LITAF: variants seen among roughly 807,000 people sequenced by gnomAD.
The protein encoded by LITAF is lipopolysaccharide induced TNF factor.
In LITAF, 9 loss-of-function variants were observed where a neutral mutation model predicts 14.5. The observed-to-expected ratio is 0.62, with a 90% CI of 0.37 to 1.08. LITAF has a LOEUF of 1.08. Among genes scored for constraint, LITAF ranks in the 50% least tolerant of loss-of-function variants. The pLI is 0.01. For missense variants in LITAF, 206 were observed against 213.4 expected, an observed-to-expected ratio of 0.97 and a Z score of 0.22; for synonymous variants, 98 against 88.2, an observed-to-expected ratio of 1.11 and a Z score of -0.62.
chr16:11,608,181 C>A (rs1434667930), intron 3 of LITAF, among the ~76,000 whole-genome samples: 1 of 152,198 alleles, frequency 6.6e-6, no homozygotes, highest in African/African-American at 2.4e-5. Context: ...CAGATAAACC[C>A]CACTGGGGTT....
intron 1 of LITAF, among the ~76,000 whole-genome samples, chr16:11,567,001 G>A (rs1309434852): frequency 6.6e-6 from 1 of 152,200 alleles, no homozygotes; most frequent in Non-Finnish European, 1.5e-5. Flanking sequence ...ATATGCTCAA[G>A]AACTGGAATC....
chr16:11,622,283 A>C (rs2065055812), intron 3 of LITAF, among the ~76,000 whole-genome samples: 1 of 152,224 alleles, frequency 6.6e-6, no homozygotes, highest in South Asian at 2.1e-4. Flanking sequence ...ACCCAGAGTA[A>C]ACAGCCTGAA....
At chr16:11,614,228 C>T (rs571447176) in intron 3 of LITAF, among the ~76,000 whole-genome samples, 6 of 152,000 alleles carry the variant, frequency 3.9e-5, no homozygotes, top group Non-Finnish European at 5.9e-5. Context: ...AAGATGTCAG[C>T]GGGCTGGTCC....
intron 1 of LITAF, among the ~76,000 whole-genome samples, chr16:11,568,656 A>G (rs1597344689): frequency 6.7e-6 from 1 of 148,872 alleles, no homozygotes; most frequent in Non-Finnish European, 1.5e-5. Flanking sequence ...TGCTTGTGAC[A>G]CTGAAGGTAC....
intron 1 of LITAF, among the ~76,000 whole-genome samples, chr16:11,560,407 T>A (rs1483709328): frequency 1.3e-5 from 2 of 151,382 alleles, no homozygotes; most frequent in Admixed American, 6.6e-5. Context: ...GGTAAGGAGT[T>A]CGAGACCAGC....
intron 1 of LITAF, among the ~76,000 whole-genome samples, chr16:11,573,831 A>G (rs2064585944): frequency 6.7e-6 from 1 of 149,072 alleles, no homozygotes; most frequent in Non-Finnish European, 1.5e-5. Context: ...CCTCCCAAAT[A>G]GCTGGGATTA....
chr16:11,638,117 T>TATAGATAGATATATATAGATAGATAG (rs138178230), upstream of LITAF, among the ~76,000 whole-genome samples: 50 of 69,510 alleles, frequency 7.2e-4, no homozygotes, highest in African/African-American at 2.7e-3. Flanking sequence ...TATCTATCTA[T>TATAGATAGATATATATAGATAGATAG]ATAGATAGAT....
chr16:11,607,249 T>C (rs1322137311), intron 3 of LITAF, among the ~76,000 whole-genome samples: 2 of 152,208 alleles, frequency 1.3e-5, no homozygotes, highest in African/African-American at 4.8e-5. Context: ...ATCACAGGCC[T>C]GCATCAGAGG....
intron 3 of LITAF, among the ~76,000 whole-genome samples, chr16:11,617,297 C>T (rs971342597): frequency 7.2e-5 from 11 of 151,988 alleles, no homozygotes; most frequent in African/African-American, 1.9e-4. Context: ...CGATACAGTC[C>T]GCCATCCCAT....
chr16:11,595,183 A>G (rs1027620688), intron 1 of LITAF, among the ~76,000 whole-genome samples: 3 of 152,132 alleles, frequency 2.0e-5, no homozygotes, highest in African/African-American at 7.2e-5. Context: ...CACATACATC[A>G]CACGCTTTAT....
intron 1 of LITAF, among the ~76,000 whole-genome samples, chr16:11,594,908 TA>T (rs2064873217): frequency 4.3e-5 from 1 of 23,280 alleles, no homozygotes; most frequent in African/African-American, 3.6e-4. Context: ...TAAAGTAAAA[TA>T]AAAATAAAAA....
chr16:11,619,466 C>A (rs1032577111), intron 3 of LITAF, among the ~76,000 whole-genome samples: 5 of 152,200 alleles, frequency 3.3e-5, no homozygotes, highest in African/African-American at 1.2e-4. Flanking sequence ...CCAACTCAGC[C>A]CTCTTCAGGG....
rs923576096 is a variant in LITAF at position 11,548,331 on chromosome 16, C to A, written c.*1306G>T. On this transcript the variant is annotated 3_prime_UTR_variant, in exon 4 of 4. Coordinates refer to ENST00000622633, the MANE Select transcript of LITAF (RefSeq NM_001136472.2). Reference sequence around the variant, plus strand: ...GGCTTGCTGCTTGAGTCCTAGAAATCATGTCTTCTCATGTTTTACAACAAG... The same window carrying A: ...GGCTTGCTGCTTGAGTCCTAGAAATAATGTCTTCTCATGTTTTACAACAAG... 6.6e-6 allele frequency: 3 copies of A among 453,954 alleles called. No homozygotes were observed. Among genetic ancestry groups the A allele is most frequent in the Non-Finnish European group, 1.3e-5 (3 of 226,788 alleles). The allele number at this position is 453,954 out of a possible 1,614,324, so 28.1% of individuals were successfully genotyped here.
chr16:11,597,483 C>T (rs909692281), intron 1 of LITAF, among the ~76,000 whole-genome samples: 8 of 152,148 alleles, frequency 5.3e-5, no homozygotes, highest in South Asian at 2.1e-4. Context: ...TTATCATCTC[C>T]GCTTTACAGA....
chr16:11,625,361 T>C (rs191691639), intron 3 of LITAF, among the ~76,000 whole-genome samples: 5 of 152,006 alleles, frequency 3.3e-5, no homozygotes, highest in African/African-American at 7.2e-5. Context: ...CTCCTAGGCT[T>C]AAGCAATCCT....
intron 1 of LITAF, among the ~76,000 whole-genome samples, chr16:11,562,228 A>G (rs2064379262): frequency 6.9e-6 from 1 of 144,912 alleles, no homozygotes; most frequent in Admixed American, 7.3e-5. Context: ...GCCTCTCCAC[A>G]CTGTGAACCT....
intron 1 of LITAF, among the ~76,000 whole-genome samples, chr16:11,563,185 G>T (rs1052198757): frequency 6.6e-6 from 1 of 151,786 alleles, no homozygotes; most frequent in Non-Finnish European, 1.5e-5. Flanking sequence ...GTCTCACTCT[G>T]TCGCCTAGAC....
At chr16:11,575,345 G>A (rs892884155) in intron 1 of LITAF, 1 of 152,182 alleles carries the variant, frequency 6.6e-6, no homozygotes, top group African/African-American at 2.4e-5. Flanking sequence ...GGAGGATCTG[G>A]GGACAAGGGC....
intron 1 of LITAF, among the ~76,000 whole-genome samples, chr16:11,571,778 C>T (rs2064544731): frequency 6.6e-6 from 1 of 152,182 alleles, no homozygotes; most frequent in African/African-American, 2.4e-5. Context: ...GCCCTCTCGG[C>T]TGGCTCTTTT....
Sources: gnomAD v4.1 joint callset for allele counts (sites outside exome capture counted in the v4.1 genomes callset) on GRCh38, gnomAD v4.1.1 for gene constraint, MANE v1.5 for transcripts, NCBI Gene and HGNC (gene_info 2026-07-23, HGNC 2026-07-21) for gene names.